Variants in PPFIA2 observed in about 807,000 individuals in gnomAD.
The protein encoded by PPFIA2 is PPFI scaffold protein A2, also known as liprin-alpha-2.
Under a neutral mutation model 175.5 loss-of-function variants are expected in PPFIA2, and 46 were observed. The ratio of observed to expected loss-of-function variants is 0.26; its 90% CI spans 0.21 to 0.34. The LOEUF (loss-of-function observed/expected upper bound fraction) is 0.34. PPFIA2 is among the 10% of genes least tolerant of loss of function. The probability of loss-of-function intolerance (pLI) is 1.00; values close to 1 mark genes in which losing one functional copy is unlikely to be tolerated. For synonymous variants in PPFIA2, 568 were observed against 511.4 expected, an observed-to-expected ratio of 1.11 and a Z score of -1.49; for missense variants, 1,179 against 1,506.1, an observed-to-expected ratio of 0.78 and a Z score of 3.60.
intron 3 of PPFIA2, among the ~76,000 whole-genome samples, chr12:81,752,031 T>C (rs1221402620): frequency 6.6e-6 from 1 of 152,026 alleles, no homozygotes; most frequent in Non-Finnish European, 1.5e-5. Context: ...GAAAGACAAA[T>C]GTAAGAGGGA....
intron 7 of PPFIA2, among the ~76,000 whole-genome samples, chr12:81,434,270 A>G (rs1238148456): frequency 6.6e-6 from 1 of 152,094 alleles, no homozygotes. Flanking sequence ...ATAGATCATT[A>G]TGTTATCAGT....
At chr12:81,328,360 T>G (rs907623559) in intron 21 of PPFIA2, among the ~76,000 whole-genome samples, 3 of 152,232 alleles carry the variant, frequency 2.0e-5, no homozygotes, top group Admixed American at 2.0e-4. Flanking sequence ...GCTCTTGAAA[T>G]GTGCCTAATT....
At chr12:81,577,012 T>C (rs2073668397) in intron 4 of PPFIA2, among the ~76,000 whole-genome samples, 1 of 151,828 alleles carries the variant, frequency 6.6e-6, no homozygotes, top group African/African-American at 2.4e-5. Context: ...AATTGAGCTG[T>C]AGAGATAAGA....
chr12:81,492,496 AG>A (rs995680485), intron 4 of PPFIA2, among the ~76,000 whole-genome samples: 2 of 151,960 alleles, frequency 1.3e-5, no homozygotes, highest in African/African-American at 4.8e-5. Flanking sequence ...TAAAACGGGG[AG>A]GGGTGGAGCT....
intron 7 of PPFIA2, among the ~76,000 whole-genome samples, chr12:81,432,713 T>A (rs2048316213): frequency 6.6e-6 from 1 of 152,036 alleles, no homozygotes. Context: ...CACCTCGGCC[T>A]CCCAAAGTGC....
chr12:81,716,615 A>G (rs1024758144), intron 3 of PPFIA2, among the ~76,000 whole-genome samples: 4 of 151,534 alleles, frequency 2.6e-5, no homozygotes, highest in African/African-American at 7.3e-5. Flanking sequence ...CTGTCGGTGG[A>G]AAACACGAAA....
At chr12:81,309,314 C>G (rs2050134151) in intron 22 of PPFIA2, among the ~76,000 whole-genome samples, 1 of 151,996 alleles carries the variant, frequency 6.6e-6, no homozygotes, top group African/African-American at 2.4e-5. Flanking sequence ...AAGTATGGTG[C>G]CAACTCAATT....
intron 10 of PPFIA2, among the ~76,000 whole-genome samples, chr12:81,375,362 G>T (rs1404572046): frequency 6.6e-6 from 1 of 152,076 alleles, no homozygotes; most frequent in African/African-American, 2.4e-5. Flanking sequence ...GCTATAGTTT[G>T]CCTGTTTCTG....
intron 4 of PPFIA2, among the ~76,000 whole-genome samples, chr12:81,601,766 C>T (rs1272421294): frequency 6.6e-6 from 1 of 151,688 alleles, no homozygotes; most frequent in African/African-American, 2.4e-5. Flanking sequence ...TAGGTACATA[C>T]AGTTTGAAAA....
At chr12:81,753,856 C>A in intron 3 of PPFIA2, 117 bp downstream of exon 3, 1 of 1,315,548 alleles carries the variant, frequency 7.6e-7, no homozygotes, top group South Asian at 1.5e-5. Context: ...GTTGTTCTCA[C>A]CAAAACGTGT....
chr12:81,394,884 A>G (rs1258001916), intron 8 of PPFIA2, among the ~76,000 whole-genome samples: 2 of 152,052 alleles, frequency 1.3e-5, no homozygotes, highest in Non-Finnish European at 2.9e-5. Flanking sequence ...AATACTTCTT[A>G]GCAAACTTGT....
At chr12:81,712,218 A>G (rs2078027626) in intron 3 of PPFIA2, among the ~76,000 whole-genome samples, 1 of 151,344 alleles carries the variant, frequency 6.6e-6, no homozygotes, top group Non-Finnish European at 1.5e-5. Flanking sequence ...TTCACATAAC[A>G]TTGGTCTCAT....
chr12:81,707,915 C>A (rs528621200), intron 3 of PPFIA2, among the ~76,000 whole-genome samples: 14 of 150,236 alleles, frequency 9.3e-5, no homozygotes, highest in Admixed American at 6.0e-4. Flanking sequence ...AGTAAACTAT[C>A]GCAAGAACAA....
At chr12:81,338,005 T>A (rs941628740) in intron 21 of PPFIA2, among the ~76,000 whole-genome samples, 3 of 152,074 alleles carry the variant, frequency 2.0e-5, no homozygotes, top group Non-Finnish European at 2.9e-5. Context: ...GAACATATAA[T>A]CACACACTGG....
At chr12:81,260,814 A>G in intron 32 of PPFIA2, 1 of 152,204 alleles carries the variant, frequency 6.6e-6, no homozygotes, top group East Asian at 1.9e-4. Context: ...ATTTTGTTCT[A>G]AATATCGCTC....
intron 4 of PPFIA2, among the ~76,000 whole-genome samples, chr12:81,477,077 A>C (rs1044436584): frequency 1.3e-5 from 2 of 152,078 alleles, no homozygotes; most frequent in African/African-American, 2.4e-5. Context: ...GGGAAGGGAG[A>C]GCATCAGGAA....
At chr12:81,674,331 T>C (rs1369093438) in intron 4 of PPFIA2, among the ~76,000 whole-genome samples, 2 of 152,048 alleles carry the variant, frequency 1.3e-5, no homozygotes, top group East Asian at 1.9e-4. Context: ...CATCATAGAA[T>C]GGTTTCTAGA....
chr12:81,688,927 A>T (rs1344450259), intron 3 of PPFIA2, among the ~76,000 whole-genome samples: 2 of 151,414 alleles, frequency 1.3e-5, no homozygotes, highest in East Asian at 3.9e-4. Context: ...CAATTAATAT[A>T]AACAGTTTCA....
At chr12:81,517,485 C>T (rs1319663361) in intron 4 of PPFIA2, among the ~76,000 whole-genome samples, 2 of 152,080 alleles carry the variant, frequency 1.3e-5, no homozygotes, top group African/African-American at 2.4e-5. Context: ...GACGAGGTGC[C>T]GAGACCTCGG....
Sources: gnomAD v4.1 joint callset for allele counts (sites outside exome capture counted in the v4.1 genomes callset) on GRCh38, gnomAD v4.1.1 for gene constraint, MANE v1.5 for transcripts, NCBI Gene and HGNC (gene_info 2026-07-23, HGNC 2026-07-21) for gene names.